The following ZFAND4 variants were observed in gnomAD, a reference collection of about 807,000 sequenced individuals.
The protein encoded by ZFAND4 is zinc finger AN1-type containing 4.
Under a neutral mutation model 64.4 loss-of-function variants are expected in ZFAND4, and 43 were observed. The observed-to-expected ratio is 0.67, with a 90% confidence interval of 0.52 to 0.86. The LOEUF is 0.86. Among genes scored for constraint, ZFAND4 ranks in the 40% least tolerant of loss-of-function variants. The pLI is 0.00. For synonymous variants in ZFAND4, 296 were observed against 305.7 expected, an observed-to-expected ratio of 0.97 and a Z score of 0.33; for missense variants, 929 against 859.8, an observed-to-expected ratio of 1.08 and a Z score of -1.01.
At chr10:45,637,733 G>A (rs199646015) in intron 6 of ZFAND4, among the ~76,000 whole-genome samples, 1 of 151,964 alleles carries the variant, frequency 6.6e-6, no homozygotes, top group Non-Finnish European at 1.5e-5. Flanking sequence ...CTGGGCAACA[G>A]GGCGAGACTC....
intron 1 of ZFAND4, among the ~76,000 whole-genome samples, chr10:45,668,137 G>A (rs1465830968): frequency 7.2e-5 from 11 of 152,194 alleles, no homozygotes; most frequent in Admixed American, 6.5e-4. Flanking sequence ...TACCTGGTAT[G>A]TAATCCTTTA....
At chr10:45,631,108 G>A (rs2046186268) in intron 6 of ZFAND4, among the ~76,000 whole-genome samples, 1 of 152,156 alleles carries the variant, frequency 6.6e-6, no homozygotes, top group African/African-American at 2.4e-5. Context: ...CACCAGGTCA[G>A]GAGATCGAGA....
At chr10:45,630,812 G>C (rs1029433652) in intron 6 of ZFAND4, among the ~76,000 whole-genome samples, 2 of 151,814 alleles carry the variant, frequency 1.3e-5, no homozygotes, top group Admixed American at 6.6e-5. Context: ...AGAGAAGGTG[G>C]TTGTATATTA....
chr10:45,663,575 TA>T lies in ZFAND4; in HGVS notation c.150del (p.Ile51PhefsTer3). On this transcript the variant is annotated frameshift_variant, in exon 2 of 10. Transcript: ENST00000344646. LOFTEE classifies it high-confidence loss of function. ...FELRVSPFET[V>X]ISVKAKIRRL... ...CTTCGAATTTTTGCTTTCACAGAAA[TA>T]ACAGTTTCAAAAGGTGAAACTCTCA... 6.2e-7 allele frequency: 1 copy of T among 1,603,600 alleles called. No homozygotes were observed. The highest frequency in any genetic ancestry group is 8.5e-7 in the Non-Finnish European group (1 of 1,177,454).
rs1391788862 is a variant in ZFAND4, at chr10:45,635,204, AAAAAAAAAAC to A, written c.717+4602_717+4611del. Among the ~76,000 whole-genome samples, 30 of 144,982 alleles carry A rather than the reference AAAAAAAAAAC, an allele frequency of 2.1e-4. 2 individuals carry two copies. Among genetic ancestry groups the A allele is most frequent in the African/African-American group, 5.8e-4 (23 of 39,444 alleles). The stretch of plus-strand genomic sequence containing the variant: ...GTCAAAGCCATCTAAGCAAAAAAAA[AAAAAAAAAAC>A]AAAAAAAAAACAAACAAAAAAAAAC... On this transcript the variant is annotated intron_variant, in intron 6 of 9. Coordinates refer to ENST00000344646, the MANE Select transcript of ZFAND4 (RefSeq NM_174890.4).
At position 45,624,608 on chromosome 10, in the gene ZFAND4, A is replaced by G; in HGVS notation, c.1902T>C (p.Asn634=). The change falls in exon 8 of 10, where the codon AAT becomes AAC. Residue 634 remains asparagine, a synonymous_variant. Coordinates refer to ENST00000344646, the MANE Select transcript of ZFAND4 (RefSeq NM_174890.4). ...LSTHGVGMNG[N]NAAAGKSVGE... ...CTACGCTTTTCCCTGCTGCTGCATTATTTCCATTCATTCCAACACCATGGG... is the reference window on the plus strand; with the variant it reads ...CTACGCTTTTCCCTGCTGCTGCATTGTTTCCATTCATTCCAACACCATGGG... 2 of 1,613,966 alleles carry G rather than the reference A, an allele frequency of 1.2e-6. No individual in the cohort carries two copies. Among genetic ancestry groups the G allele is most frequent in the Non-Finnish European group, 1.7e-6 (2 of 1,179,934 alleles).
chr10:45,615,717 ATATT>A lies in ZFAND4; in HGVS notation c.*715_*718del, dbSNP rs1245637250. The A allele has an allele frequency of 1.3e-5, 2 of 152,132 alleles. No homozygotes were observed. Among genetic ancestry groups the A allele is most frequent in the South Asian group, 2.1e-4 (1 of 4,828 alleles). The allele number at this position is 152,132 out of a possible 1,614,324, so 9.4% of individuals were successfully genotyped here. ...TTCAAAAGGTAAAAAGTTGGCTTCT[ATATT>A]TAATGGCAAGTGGGACATCTTCTAT... On this transcript the variant is annotated 3_prime_UTR_variant, in exon 10 of 10. Coordinates refer to ENST00000344646, the MANE Select transcript of ZFAND4 (RefSeq NM_174890.4).
intron 9 of ZFAND4, among the ~76,000 whole-genome samples, chr10:45,617,261 T>C (rs2045045480): frequency 6.6e-6 from 1 of 152,048 alleles, no homozygotes; most frequent in Non-Finnish European, 1.5e-5. Context: ...AACTATGCCA[T>C]GAAAGGATTT....
At position 45,626,782 on chromosome 10, in the gene ZFAND4, T is replaced by G. The variant is rs763921417; in HGVS notation, c.1041A>C (p.Gly347=). The part of the protein sequence containing the change: ...LPPQIPHLEL[G]NDQELADSVL... The stretch of plus-strand genomic sequence containing the variant: ...CAGAGTCAGCAAGCTCCTGGTCATT[T>G]CCCAACTCCAAATGGGGTATCTGAG... The change falls in exon 7 of 10, where the codon GGA becomes GGC. Residue 347 remains glycine, a synonymous_variant. Coordinates refer to ENST00000344646, the MANE Select transcript of ZFAND4 (RefSeq NM_174890.4). 6.2e-7 allele frequency: 1 copy of G among 1,614,222 alleles called. No individual in the cohort carries two copies. Among genetic ancestry groups the G allele is most frequent in the Non-Finnish European group, 8.5e-7 (1 of 1,180,040 alleles).
In ZFAND4 at chr10:45,639,982, C is replaced by T; in HGVS notation, c.570-19G>A. The T allele has an allele frequency of 6.3e-7, 1 of 1,590,980 alleles. No homozygotes were observed. Among genetic ancestry groups the T allele is most frequent in the South Asian group, 1.1e-5 (1 of 87,238 alleles). Reference sequence around the variant, plus strand: ...ACCACCACTGCAAAGAAAACAATAACTACTTGAAATTTTTCTGATACCTGC... The same window carrying T: ...ACCACCACTGCAAAGAAAACAATAATTACTTGAAATTTTTCTGATACCTGC... On this transcript the variant is annotated intron_variant, in intron 5 of 9. Transcript: ENST00000344646.
At chr10:45,653,104 C>A (rs952630823) in intron 2 of ZFAND4, 45 bp from the exon 3 acceptor site, 3 of 1,367,116 alleles carry the variant, frequency 2.2e-6, no homozygotes, top group Non-Finnish European at 3.1e-6. Context: ...AATTCAATAG[C>A]ATCTCCAAAA....
intron 6 of ZFAND4, among the ~76,000 whole-genome samples, chr10:45,631,312 G>A (rs747209966): frequency 1.4e-4 from 18 of 128,330 alleles, no homozygotes; most frequent in Non-Finnish European, 2.8e-4. Context: ...GCAAGACTCC[G>A]CCCCCCAAAA....
chr10:45,649,505 T>A (rs2047619572), intron 4 of ZFAND4, among the ~76,000 whole-genome samples: 1 of 152,158 alleles, frequency 6.6e-6, no homozygotes, highest in Admixed American at 6.5e-5. Context: ...TCTACAACCC[T>A]TTAAAAAGAA....
At chr10:45,619,589 A>G (rs2045262686) in intron 8 of ZFAND4, among the ~76,000 whole-genome samples, 2 of 152,148 alleles carry the variant, frequency 1.3e-5, no homozygotes, top group South Asian at 2.1e-4. Flanking sequence ...TTTCTCCACT[A>G]CTGAAAAAGG....
intron 1 of ZFAND4, among the ~76,000 whole-genome samples, chr10:45,670,660 T>C (rs1376565195): frequency 6.6e-6 from 1 of 152,216 alleles, no homozygotes; most frequent in Non-Finnish European, 1.5e-5. Flanking sequence ...ATCCCTTCCT[T>C]ACACCTTATA....
At chr10:45,632,821 T>C (rs1344575383) in intron 6 of ZFAND4, among the ~76,000 whole-genome samples, 1 of 152,172 alleles carries the variant, frequency 6.6e-6, no homozygotes, top group Non-Finnish European at 1.5e-5. Context: ...TTACCTGTTT[T>C]AAAATTTCAA....
intron 2 of ZFAND4, among the ~76,000 whole-genome samples, chr10:45,656,521 A>G (rs181720089): frequency 0.02 from 2,937 of 146,366 alleles, 26 homozygotes; most frequent in Non-Finnish European, 0.035. Flanking sequence ...AAAAAAAAAA[A>G]AAAAGAAAAG....
chr10:45,641,792 G>C (rs144818583), intron 5 of ZFAND4, among the ~76,000 whole-genome samples: 20 of 152,286 alleles, frequency 1.3e-4, no homozygotes, highest in African/African-American at 4.3e-4. Flanking sequence ...ACTACATAAG[G>C]TAGATATTAT....
At position 45,648,528 on chromosome 10, in the gene ZFAND4, G is replaced by A. The variant is rs1438717699; in HGVS notation, c.335C>T (p.Thr112Ile). 1 of 1,594,908 alleles carries A rather than the reference G, an allele frequency of 6.3e-7. No homozygotes were observed. Among genetic ancestry groups the A allele is most frequent in the Non-Finnish European group, 8.5e-7 (1 of 1,172,144 alleles). Residue 112 changes from threonine to isoleucine, a missense_variant, in exon 5 of 10, where the codon ACA becomes ATA. Thr to Ile is a moderately conservative substitution (Grantham distance 89, BLOSUM62 -1). Transcript: ENST00000344646. ...GGPINTRRVP[T>I]DDPLRKMAEY... ...TGCCATCTTCCTAAGTGGATCGTCT[G>A]TAGGAACTACAAATGGAAAATTGAA...
Sources: gnomAD v4.1 joint callset for allele counts (sites outside exome capture counted in the v4.1 genomes callset) on GRCh38, gnomAD v4.1.1 for gene constraint, MANE v1.5 for transcripts, NCBI Gene and HGNC (gene_info 2026-07-23, HGNC 2026-07-21) for gene names.